The following ADGRG6 variants were observed in gnomAD, a reference collection of about 807,000 sequenced individuals.
ADGRG6 encodes G-protein coupled receptor 126.
In ADGRG6, 84 loss-of-function variants were observed where a neutral mutation model predicts 142.4. The observed-to-expected ratio is 0.59, with a 90% CI of 0.49 to 0.71. The LOEUF (loss-of-function observed/expected upper bound fraction) is 0.71. Among genes scored for constraint, ADGRG6 ranks in the 30% least tolerant of loss-of-function variants. The pLI is 0.00. For synonymous variants in ADGRG6, 521 were observed against 520.5 expected, an observed-to-expected ratio of 1.00 and a Z score of -0.01; for missense variants, 1,367 against 1,466.6, an observed-to-expected ratio of 0.93 and a Z score of 1.11.
intron 4 of ADGRG6, among the ~76,000 whole-genome samples, chr6:142,374,385 T>C (rs1019766359): frequency 6.6e-6 from 1 of 152,238 alleles, no homozygotes; most frequent in East Asian, 1.9e-4. Context: ...AATTGATGAA[T>C]TATTTCCAAT....
chr6:142,359,136 G>T (rs377298737), intron 2 of ADGRG6, among the ~76,000 whole-genome samples: 30 of 150,362 alleles, frequency 2.0e-4, no homozygotes, highest in African/African-American at 7.1e-4. Flanking sequence ...GAGCCCAGGA[G>T]GTTGAGGCTT....
intron 22 of ADGRG6, among the ~76,000 whole-genome samples, chr6:142,435,833 A>G (rs979603641): frequency 6.6e-6 from 1 of 152,208 alleles, no homozygotes; most frequent in Non-Finnish European, 1.5e-5. Flanking sequence ...TTAAAAATAA[A>G]ATAAAATAAC....
At chr6:142,318,840 A>G (rs1397276344) in intron 2 of ADGRG6, among the ~76,000 whole-genome samples, 1 of 152,156 alleles carries the variant, frequency 6.6e-6, no homozygotes, top group East Asian at 1.9e-4. Flanking sequence ...GAATGAGGCT[A>G]GATGGGGAAG....
chr6:142,433,850 G>A (rs555417548), intron 22 of ADGRG6, among the ~76,000 whole-genome samples: 24 of 152,326 alleles, frequency 1.6e-4, no homozygotes, highest in Middle Eastern at 3.4e-3. Context: ...GAGGCCAGGA[G>A]TTCTAGACCA....
At chr6:142,370,920 A>ATGTC in intron 4 of ADGRG6, 127 bp downstream of exon 4, 3 of 917,744 alleles carry the variant, frequency 3.3e-6, no homozygotes, top group Non-Finnish European at 4.9e-6. Flanking sequence ...AGACATATAT[A>ATGTC]TATATGTTGT....
chr6:142,318,093 T>TTATATATTATATATTTATATA (rs1562306942), intron 2 of ADGRG6, among the ~76,000 whole-genome samples: 70 of 1,918 alleles, frequency 0.036, 3 homozygotes, highest in South Asian at 0.11. Flanking sequence ...ATATTTATAT[T>TTATATATTATATATTTATATA]ATATATATTT....
intron 2 of ADGRG6, among the ~76,000 whole-genome samples, chr6:142,365,510 A>T (rs1313270803): frequency 6.6e-6 from 1 of 152,188 alleles, no homozygotes; most frequent in Non-Finnish European, 1.5e-5. Context: ...AAGAAGATTT[A>T]CAATAAGAAA....
Position 142,405,727 on chromosome 6 carries a change from G to T in ADGRG6, c.2167G>T (p.Val723Leu), listed in dbSNP as rs1378795901. ...ESGQVDPLAS[V>L]ILPPNLLENL... ...TGGACAAGTGGATCCACTGGCATCT[G>T]TAATTTTGCCTCCAAACTTACTTGA... The change falls in exon 15 of 25, where the codon GTA (valine) becomes TTA (leucine). Residue 723 changes from valine to leucine, a missense_variant. Coordinates refer to ENST00000367609, the MANE Select transcript of ADGRG6 (RefSeq NM_198569.3). 3 of 1,608,500 alleles carry T rather than the reference G, an allele frequency of 1.9e-6. No homozygotes were observed. Among genetic ancestry groups the T allele is most frequent in the Non-Finnish European group, 2.6e-6 (3 of 1,175,794 alleles).
At chr6:142,413,727 C>A (rs1026689373) in intron 18 of ADGRG6, among the ~76,000 whole-genome samples, 1 of 152,150 alleles carries the variant, frequency 6.6e-6, no homozygotes, top group Non-Finnish European at 1.5e-5. Context: ...GCCCCGTGTT[C>A]TCCCAGTGTT....
chr6:142,304,362 T>C (rs1777380222), intron 1 of ADGRG6, among the ~76,000 whole-genome samples: 1 of 152,182 alleles, frequency 6.6e-6, no homozygotes, highest in Admixed American at 6.5e-5. Flanking sequence ...ATATTTTTCA[T>C]ACCCTAAGAA....
rs943140796 is a variant in ADGRG6 at position 142,393,036 on chromosome 6, A to G, written c.1361+36A>G. 9 of 1,150,716 alleles carry G rather than the reference A, an allele frequency of 7.8e-6. No individual in the cohort carries two copies. In the South Asian group the frequency reaches 8.9e-5, roughly 11 times the overall value. 71.3% of individuals were successfully genotyped at this position (1,150,716 alleles called of 1,614,324 possible). On this transcript the variant is annotated intron_variant, in intron 8 of 24. Transcript: ENST00000367609. ...ATAAATTATTTGATAAATTAAAAGT[A>G]GTGTCTAATTTAATGCTACTATTTG...
At chr6:142,309,666 A>C in intron 2 of ADGRG6, 22 bp downstream of exon 2, 2 of 1,415,142 alleles carry the variant, frequency 1.4e-6, no homozygotes, top group Non-Finnish European at 2.0e-6. Context: ...CCTCTTTCAC[A>C]CCTGGAATTT....
At chr6:142,397,257 G>A (rs1775245181) in intron 9 of ADGRG6, among the ~76,000 whole-genome samples, 1 of 151,824 alleles carries the variant, frequency 6.6e-6, no homozygotes, top group Non-Finnish European at 1.5e-5. Context: ...AAATTAATTT[G>A]GGGCCACAAA....
At chr6:142,382,358 G>A (rs951660025) in intron 5 of ADGRG6, among the ~76,000 whole-genome samples, 3 of 151,970 alleles carry the variant, frequency 2.0e-5, no homozygotes, top group African/African-American at 7.3e-5. Context: ...AAATACAGTG[G>A]TACAATACTT....
intron 21 of ADGRG6, among the ~76,000 whole-genome samples, chr6:142,419,468 T>C (rs1357044860): frequency 2.0e-5 from 3 of 152,048 alleles, no homozygotes; most frequent in Non-Finnish European, 2.9e-5. Context: ...CAAAAATTAG[T>C]TTTTAAATTT....
rs912382711 is a variant in ADGRG6 at position 142,386,336 on chromosome 6, C to T, written c.1222+2493C>T. ...GATATAAACAAGAGTTAAGTTCCTA[C>T]GGCATATTTCTGGTCACAGAAACAT... On this transcript the variant is annotated intron_variant, in intron 6 of 24. Transcript: ENST00000367609. 3.9e-5 allele frequency among the ~76,000 whole-genome samples: 6 copies of T among 152,126 alleles called. No homozygotes were observed. The East Asian group carries it at 7.7e-4, about 20-fold the overall frequency.
intron 2 of ADGRG6, among the ~76,000 whole-genome samples, chr6:142,340,166 A>G (rs1371457718): frequency 2.6e-5 from 4 of 152,120 alleles, no homozygotes; most frequent in African/African-American, 9.7e-5. Flanking sequence ...GGAACATTAG[A>G]AGTGGGAGTT....
chr6:142,394,581 T>A, intron 9 of ADGRG6, among the ~76,000 whole-genome samples: 1 of 89,818 alleles, frequency 1.1e-5, no homozygotes, highest in South Asian at 2.8e-4. Flanking sequence ...TCTCTGTAGA[T>A]TTTTTTTTTT....
chr6:142,332,399 T>C (rs1779104499), intron 2 of ADGRG6, among the ~76,000 whole-genome samples: 2 of 152,294 alleles, frequency 1.3e-5, no homozygotes, highest in South Asian at 4.1e-4. Flanking sequence ...TATTTTTAAT[T>C]ATTAAAGTAA....
Sources: gnomAD v4.1 joint callset for allele counts (sites outside exome capture counted in the v4.1 genomes callset) on GRCh38, gnomAD v4.1.1 for gene constraint, MANE v1.5 for transcripts, NCBI Gene and HGNC (gene_info 2026-07-23, HGNC 2026-07-21) for gene names.